The following GPM6A variants were observed in gnomAD, a reference collection of about 807,000 sequenced individuals.
GPM6A encodes the protein neuronal membrane glycoprotein M6-a.
GPM6A carries 7 observed loss-of-function variants against 32.1 expected under a neutral mutation model. The observed-to-expected ratio is 0.22, with a 90% CI of 0.12 to 0.41. The LOEUF is 0.41. Ranked by LOEUF, GPM6A falls within the 10% of genes least tolerant of loss-of-function variation. The probability of loss-of-function intolerance (pLI) is 1.00; values close to 1 mark genes in which losing one functional copy is unlikely to be tolerated. For missense variants in GPM6A, 235 were observed against 347.2 expected (o/e 0.68, Z 2.57); for synonymous variants, 130 against 123.4 (o/e 1.05, Z -0.35).
chr4:175,957,140 G>A (rs968494636), intron 1 of GPM6A, among the ~76,000 whole-genome samples: 2 of 152,084 alleles, frequency 1.3e-5, no homozygotes, highest in Non-Finnish European at 2.9e-5. Context: ...GAATGCTCAG[G>A]CTTAAAAGCA....
At chr4:175,710,524 T>C (rs946783669) in intron 1 of GPM6A, among the ~76,000 whole-genome samples, 6 of 152,208 alleles carry the variant, frequency 3.9e-5, no homozygotes, top group Non-Finnish European at 8.8e-5. Context: ...GTTATCTGTT[T>C]GTATATTTAT....
chr4:175,675,255 A>ATT (rs1743300801), intron 2 of GPM6A, among the ~76,000 whole-genome samples: 1 of 150,696 alleles, frequency 6.6e-6, no homozygotes, highest in Non-Finnish European at 1.5e-5. Flanking sequence ...ATGTATATAT[A>ATT]TTATATATAT....
intron 2 of GPM6A, among the ~76,000 whole-genome samples, chr4:175,688,576 C>G (rs377538979): frequency 6.6e-6 from 1 of 151,804 alleles, no homozygotes; most frequent in East Asian, 1.9e-4. Flanking sequence ...ATACCAGACT[C>G]TAGGGTTCAA....
intron 1 of GPM6A, among the ~76,000 whole-genome samples, chr4:175,841,678 C>T (rs943000773): frequency 2.0e-5 from 3 of 152,042 alleles, no homozygotes; most frequent in Non-Finnish European, 2.9e-5. Context: ...AAGGAATAAC[C>T]TTTCATATCC....
chr4:175,801,866 C>A (rs939583559), intron 1 of GPM6A, among the ~76,000 whole-genome samples: 6 of 152,004 alleles, frequency 3.9e-5, no homozygotes, highest in Non-Finnish European at 7.4e-5. Context: ...TTAGCAGAAA[C>A]AATGGGCAAA....
At chr4:175,917,452 C>CA (rs1180551614) in intron 1 of GPM6A, among the ~76,000 whole-genome samples, 1 of 151,988 alleles carries the variant, frequency 6.6e-6, no homozygotes, top group African/African-American at 2.4e-5. Context: ...AACAATGAAA[C>CA]GAAGGGCTTG....
At chr4:175,918,816 T>G in intron 1 of GPM6A, among the ~76,000 whole-genome samples, 1 of 152,180 alleles carries the variant, frequency 6.6e-6, no homozygotes, top group Admixed American at 6.5e-5. Flanking sequence ...ATGTTTTATC[T>G]TATGTCTCTA....
chr4:175,990,184 A>T (rs775342170), intron 1 of GPM6A, among the ~76,000 whole-genome samples: 1 of 152,208 alleles, frequency 6.6e-6, no homozygotes, highest in African/African-American at 2.4e-5. Context: ...AAATAAAAAG[A>T]TGTTTTTCCT....
intron 1 of GPM6A, among the ~76,000 whole-genome samples, chr4:175,709,522 G>A (rs922362431): frequency 1.3e-4 from 19 of 151,940 alleles, no homozygotes; most frequent in Non-Finnish European, 2.6e-4. Flanking sequence ...GAGGTCAGGC[G>A]TTCCAGACCA....
intron 1 of GPM6A, among the ~76,000 whole-genome samples, chr4:175,875,747 C>T (rs1214343498): frequency 6.6e-6 from 1 of 152,090 alleles, no homozygotes; most frequent in Non-Finnish European, 1.5e-5. Context: ...ACTCAGCAAC[C>T]TATAAAATAC....
At chr4:175,889,227 A>C (rs1737555152) in intron 1 of GPM6A, among the ~76,000 whole-genome samples, 1 of 152,234 alleles carries the variant, frequency 6.6e-6, no homozygotes, top group Non-Finnish European at 1.5e-5. Flanking sequence ...AGAATAGAAT[A>C]GTATTTTTAA....
In GPM6A at chr4:175,878,263, C is replaced by T. The variant is rs189303813; in HGVS notation, c.-22-66014G>A. ...CTGGGGTCTGGAGGATAGTGGCCCT[C>T]TTCTCACAGATCCACTAGTCAGTGC... On this transcript the variant is annotated intron_variant, in intron 1 of 7. Transcript: ENST00000280187. Among the ~76,000 whole-genome samples, 477 of 152,274 alleles carry T rather than the reference C, an allele frequency of 3.1e-3. 1 individual carries two copies. The highest frequency in any genetic ancestry group is 0.011 in the African/African-American group (458 of 41,554).
intron 1 of GPM6A, among the ~76,000 whole-genome samples, chr4:175,957,108 G>A (rs900573253): frequency 5.3e-5 from 8 of 152,148 alleles, no homozygotes; most frequent in African/African-American, 1.9e-4. Context: ...TTCGGAATGT[G>A]CACCTTGGAA....
intron 1 of GPM6A, among the ~76,000 whole-genome samples, chr4:175,984,937 C>G (rs1740929388): frequency 6.6e-6 from 1 of 152,080 alleles, no homozygotes. Context: ...CTATTTTTGA[C>G]CTATATTGGG....
chr4:175,869,009 A>G (rs913367237), intron 1 of GPM6A, among the ~76,000 whole-genome samples: 5 of 152,206 alleles, frequency 3.3e-5, no homozygotes, highest in Admixed American at 6.5e-5. Context: ...TGCTGTGATT[A>G]CATTTCAATA....
chr4:175,873,266 T>A (rs1736970038), intron 1 of GPM6A, among the ~76,000 whole-genome samples: 1 of 152,106 alleles, frequency 6.6e-6, no homozygotes, highest in Non-Finnish European at 1.5e-5. Context: ...ACTTTGTCAT[T>A]TCTAATTTTA....
chr4:175,886,117 C>T (rs1395209041), intron 1 of GPM6A, among the ~76,000 whole-genome samples: 1 of 152,064 alleles, frequency 6.6e-6, no homozygotes, highest in Non-Finnish European at 1.5e-5. Flanking sequence ...GGAATAAAAG[C>T]TTAGACTTTC....
At chr4:175,861,956 A>T (rs953752933) in intron 1 of GPM6A, among the ~76,000 whole-genome samples, 2 of 151,694 alleles carry the variant, frequency 1.3e-5, no homozygotes, top group Non-Finnish European at 2.9e-5. Flanking sequence ...TTCTATAAAA[A>T]AGTATTAAAT....
At chr4:175,753,672 T>C (rs2111193855) in intron 1 of GPM6A, among the ~76,000 whole-genome samples, 2 of 152,294 alleles carry the variant, frequency 1.3e-5, no homozygotes, top group South Asian at 4.1e-4. Context: ...CCCTCATATT[T>C]TAAACTAACA....
Sources: gnomAD v4.1 joint callset for allele counts (sites outside exome capture counted in the v4.1 genomes callset) on GRCh38, gnomAD v4.1.1 for gene constraint, MANE v1.5 for transcripts, NCBI Gene and HGNC (gene_info 2026-07-23, HGNC 2026-07-21) for gene names.